PNPLA7: variants seen among roughly 807,000 people sequenced by gnomAD.
PNPLA7 encodes the protein patatin-like phospholipase domain-containing protein 7.
A neutral mutation model predicts 161.7 loss-of-function variants in PNPLA7; 153 were observed. That is an observed-to-expected ratio of 0.95 (90% confidence interval 0.83 to 1.08). The LOEUF (loss-of-function observed/expected upper bound fraction) is 1.08, where lower values mean the gene tolerates loss of function less well. Ranked by LOEUF, PNPLA7 falls within the 50% of genes least tolerant of loss-of-function variation. The pLI is 0.00. For missense variants in PNPLA7, 1,739 were observed against 1,856.6 expected, an observed-to-expected ratio of 0.94 and a Z score of 1.16; for synonymous variants, 809 against 782.1, an observed-to-expected ratio of 1.03 and a Z score of -0.57.
At chr9:137,494,570 G>A (rs909121525) in intron 19 of PNPLA7, among the ~76,000 whole-genome samples, 6 of 151,694 alleles carry the variant, frequency 4.0e-5, no homozygotes, top group African/African-American at 1.2e-4. Context: ...CCTGCTCTGC[G>A]CCCTCACCTG....
At chr9:137,527,786 C>A (rs747310115) in intron 8 of PNPLA7, among the ~76,000 whole-genome samples, 1 of 152,192 alleles carries the variant, frequency 6.6e-6, no homozygotes, top group Admixed American at 6.5e-5. Context: ...AATAGTCCCT[C>A]TTCTACTTTT....
chr9:137,544,697 G>A (rs959912820), intron 4 of PNPLA7, among the ~76,000 whole-genome samples: 1 of 152,168 alleles, frequency 6.6e-6, no homozygotes, highest in Non-Finnish European at 1.5e-5. Context: ...AGGCTGCAGT[G>A]CAATGGCACG....
intron 25 of PNPLA7, among the ~76,000 whole-genome samples, 185 bp downstream of exon 25, chr9:137,477,849 G>A (rs1832012311): frequency 6.6e-6 from 1 of 152,234 alleles, no homozygotes; most frequent in African/African-American, 2.4e-5. Flanking sequence ...CACCGCATGT[G>A]CCAGGGTCTG....
chr9:137,535,529 C>T (rs557012261), intron 8 of PNPLA7, among the ~76,000 whole-genome samples: 2 of 151,994 alleles, frequency 1.3e-5, no homozygotes, highest in Non-Finnish European at 1.5e-5. Context: ...CCGAGGCAGG[C>T]GGATCACAAG....
chr9:137,549,139 G>C (rs2132678917), intron 1 of PNPLA7, among the ~76,000 whole-genome samples: 1 of 152,344 alleles, frequency 6.6e-6, no homozygotes, highest in African/African-American at 2.4e-5. Context: ...CCAGTGTTCT[G>C]GTTTAGGAAA....
chr9:137,519,877 T>G (rs1834897184), intron 11 of PNPLA7, 40 bp downstream of exon 11: 1 of 1,587,120 alleles, frequency 6.3e-7, no homozygotes, highest in Non-Finnish European at 8.6e-7. Context: ...TCCCCCGGAC[T>G]CTGGGGCTGG....
At position 137,492,576 on chromosome 9, in the gene PNPLA7, C is replaced by T. The variant is rs1199039510; in HGVS notation, c.2197+437G>A. Among the ~76,000 whole-genome samples the T allele has an allele frequency of 1.2e-4, 4 of 33,814 alleles. No homozygotes were observed. The South Asian group carries it at 3.0e-3, about 25-fold the overall frequency. 22.2% of individuals were successfully genotyped at this position (33,814 alleles called of 152,430 possible). The stretch of plus-strand genomic sequence containing the variant: ...GGGTGGCCGGGGCTCCAGCACAGGG[C>T]AGGGCCGTGGGCTGGGTGGGTGGGG... On this transcript the variant is annotated intron_variant, in intron 20 of 34. Coordinates refer to ENST00000406427, the MANE Select transcript of PNPLA7 (RefSeq NM_001098537.3).
chr9:137,538,489 C>T (rs1196334527), intron 8 of PNPLA7, among the ~76,000 whole-genome samples: 2 of 152,196 alleles, frequency 1.3e-5, no homozygotes, highest in African/African-American at 2.4e-5. Flanking sequence ...AAGGACCTAG[C>T]GCTTGGTTCT....
At position 137,462,279 on chromosome 9, in the gene PNPLA7, C is replaced by G. The variant is rs1389349396; in HGVS notation, c.3545G>C (p.Arg1182Pro). ...QTRLAYVCCV[R>P]QLEVVKSSDY... Reference sequence around the variant, plus strand: ...ACTGCTCTTCACCACCTCCAGCTGCCGCACGCAACACACGTAGGCCAGGCG... The same window carrying G: ...ACTGCTCTTCACCACCTCCAGCTGCGGCACGCAACACACGTAGGCCAGGCG... Residue 1182 changes from arginine (R) to proline (P), a missense_variant, in exon 31 of 35, where the codon CGG becomes CCG. Transcript: ENST00000406427. 1 of 1,611,940 alleles carries G rather than the reference C, an allele frequency of 6.2e-7. No homozygotes were observed. Among genetic ancestry groups the G allele is most frequent in the South Asian group, 1.1e-5 (1 of 90,958 alleles).
In PNPLA7 at chr9:137,543,738, C is replaced by G; in HGVS notation, c.351G>C (p.Leu117=). Residue 117 remains leucine (L), a synonymous_variant, in exon 5 of 35, where the codon CTG becomes CTC. Transcript: ENST00000406427. This position sits in a 1 kb window ranked among gnomAD's most constrained non-coding sequence, Gnocchi z 6.9. Reference sequence around the variant, plus strand: ...ACACACAGTACCTCTTGGCCAAAGACAGCACCTTGGTCCTCTTCCTGGCCC... The same window carrying G: ...ACACACAGTACCTCTTGGCCAAAGAGAGCACCTTGGTCCTCTTCCTGGCCC... The part of the protein sequence containing the change: ...RQRARKRTKV[L]SLAKRILRFK... 1 of 1,614,116 alleles carries G rather than the reference C, an allele frequency of 6.2e-7. No homozygotes were observed. The highest frequency in any genetic ancestry group is 8.5e-7 in the Non-Finnish European group (1 of 1,180,018).
intron 23 of PNPLA7, chr9:137,479,474 CTCTT>C (rs1424274097): frequency 2.4e-6 from 3 of 1,227,676 alleles, no homozygotes; most frequent in African/African-American, 3.1e-5. Flanking sequence ...GGGACGCCTC[CTCTT>C]TCTGTTTCTC....
At chr9:137,462,135 A>G in intron 31 of PNPLA7, 44 bp downstream of exon 31, 1 of 1,531,602 alleles carries the variant, frequency 6.5e-7, no homozygotes, top group Non-Finnish European at 8.8e-7. Context: ...CAGCCACCAG[A>G]GTGCCTCCGC....
intron 14 of PNPLA7, 44 bp downstream of exon 14, chr9:137,505,570 G>T (rs972564591): frequency 8.7e-6 from 14 of 1,607,662 alleles, no homozygotes; most frequent in Non-Finnish European, 1.1e-5. Flanking sequence ...GAGGCCACGG[G>T]CCCTGGGTGG....
chr9:137,462,427 T>A, intron 30 of PNPLA7, 96 bp from the exon 31 acceptor site: 1 of 1,505,114 alleles, frequency 6.6e-7, no homozygotes, highest in Non-Finnish European at 8.9e-7. Flanking sequence ...ACCCATCCTC[T>A]GGGGTAGGTA....
chr9:137,534,839 C>T (rs1009866559), intron 8 of PNPLA7, among the ~76,000 whole-genome samples: 1 of 152,136 alleles, frequency 6.6e-6, no homozygotes, highest in African/African-American at 2.4e-5. Flanking sequence ...AAACCCCTAA[C>T]AGGCAACCAC....
At chr9:137,485,837 C>T (rs1191390824) in intron 20 of PNPLA7, among the ~76,000 whole-genome samples, 1 of 152,192 alleles carries the variant, frequency 6.6e-6, no homozygotes, top group African/African-American at 2.4e-5. Flanking sequence ...GCTGAGGGGC[C>T]CCTCGGCCAG....
Position 137,493,025 on chromosome 9 carries a change from C to T in PNPLA7, c.2185G>A (p.Gly729Arg), listed in dbSNP as rs1404383053. The change falls in exon 20 of 35, where the codon GGA becomes AGA. Residue 729 changes from glycine to arginine, a missense_variant. This residue lies in a region of PNPLA7 where 192 missense variants were observed against 249.5 expected (regional missense o/e 0.77). Coordinates refer to ENST00000406427, the MANE Select transcript of PNPLA7 (RefSeq NM_001098537.3). The stretch of plus-strand genomic sequence containing the variant: ...AGAGGTGACCCACCTGTCACAGGTC[C>T]CTGCTGGAGGCTGCCCAGGATCTTC... ...GEKILGSLQQ[G>R]PVTGHQLGLP... The T allele has an allele frequency of 6.2e-7, 1 of 1,613,592 alleles. No individual in the cohort carries two copies. Among genetic ancestry groups the T allele is most frequent in the South Asian group, 1.1e-5 (1 of 91,086 alleles).
Position 137,543,769 on chromosome 9 carries a change from CG to C in PNPLA7, c.319del (p.Arg107GlyfsTer46). The C allele has an allele frequency of 6.2e-7, 1 of 1,614,034 alleles. No individual in the cohort carries two copies. Among genetic ancestry groups the C allele is most frequent in the Non-Finnish European group, 8.5e-7 (1 of 1,180,014 alleles). ...NTLVENTALP[R>X]QRARKRTKVL... ...CTTGGTCCTCTTCCTGGCCCGCTGCCGGGGCAGGGCAGTGTTCTCCACAAGG... is the reference window on the plus strand; with the variant it reads ...CTTGGTCCTCTTCCTGGCCCGCTGCCGGGCAGGGCAGTGTTCTCCACAAGG... On this transcript the variant is annotated frameshift_variant, in exon 5 of 35. Coordinates refer to ENST00000406427, the MANE Select transcript of PNPLA7 (RefSeq NM_001098537.3). LOFTEE classifies it high-confidence loss of function. This position sits in a 1 kb window ranked among gnomAD's most constrained non-coding sequence, Gnocchi z 6.9.
rs961886085 is a variant in PNPLA7 at position 137,479,252 on chromosome 9, C to G, written c.2581-14G>C. Reference sequence around the variant, plus strand: ...CATCCGCTCCAGCTGAAAGGCAGAGCCCACGTGTCTGCCAGCCGGGTGAGC... The same window carrying G: ...CATCCGCTCCAGCTGAAAGGCAGAGGCCACGTGTCTGCCAGCCGGGTGAGC... On this transcript the variant is annotated splice_polypyrimidine_tract_variant and intron_variant, in intron 23 of 34. Transcript: ENST00000406427. The G allele has an allele frequency of 1.3e-6, 2 of 1,511,242 alleles. No homozygotes were observed. Among genetic ancestry groups the G allele is most frequent in the Non-Finnish European group, 1.8e-6 (2 of 1,122,378 alleles). The allele number at this position is 1,511,242 out of a possible 1,614,324, so 93.6% of individuals were successfully genotyped here. A position where few individuals can be genotyped will look rare whatever the true frequency, so the allele number is the denominator to read the frequency against.
Sources: gnomAD v4.1 joint callset for allele counts (sites outside exome capture counted in the v4.1 genomes callset) on GRCh38, gnomAD v4.1.1 for gene constraint, gnomAD v4.1.1 regional missense constraint, Gnocchi (gnomAD v3.1) non-coding constraint, MANE v1.5 for transcripts, NCBI Gene and HGNC (gene_info 2026-07-23, HGNC 2026-07-21) for gene names.